GHITM: variants seen among roughly 807,000 people sequenced by gnomAD.
GHITM encodes growth hormone-inducible transmembrane protein.
In GHITM, 24 loss-of-function variants were observed where a neutral mutation model predicts 38.7. The observed-to-expected ratio is 0.62, with a 90% CI of 0.45 to 0.87. The LOEUF is 0.87. GHITM is among the 40% of genes least tolerant of loss of function. The pLI is 0.00. For missense variants in GHITM, 420 were observed against 429.8 expected (o/e 0.98, Z 0.20); for synonymous variants, 154 against 147.8 (o/e 1.04, Z -0.30).
chr10:84,139,543 C>CT lies in GHITM; in HGVS notation c.-90_-89insT, dbSNP rs1841483646. Reference sequence around the variant, plus strand: ...GAGGAACTGTGCTCTTTGAGGCCGACGCTAGGGGCCCGGAAGGGAAACTGC... The same window carrying CT: ...GAGGAACTGTGCTCTTTGAGGCCGACTGCTAGGGGCCCGGAAGGGAAACTGC... On this transcript the variant is annotated 5_prime_UTR_variant, in exon 1 of 9. Transcript: ENST00000372134. The CT allele has an allele frequency of 6.6e-6, 1 of 152,316 alleles. No homozygotes were observed. The highest frequency in any genetic ancestry group is 6.5e-5 in the Admixed American group (1 of 15,288). 9.4% of individuals were successfully genotyped at this position (152,316 alleles called of 1,614,324 possible).
intron 3 of GHITM, among the ~76,000 whole-genome samples, chr10:84,143,439 G>T (rs557071349): frequency 6.6e-6 from 1 of 152,284 alleles, no homozygotes; most frequent in African/African-American, 2.4e-5. Context: ...TAGACTAAAA[G>T]AATAAGATGC....
chr10:84,149,836 GTGAT>G (rs1245059080), intron 6 of GHITM, among the ~76,000 whole-genome samples: 2 of 152,200 alleles, frequency 1.3e-5, no homozygotes, highest in East Asian at 1.9e-4. Context: ...GCTTGTGAGT[GTGAT>G]TGATTAGGAA....
At chr10:84,144,661 T>C (rs972058124) in intron 4 of GHITM, among the ~76,000 whole-genome samples, 1 of 152,182 alleles carries the variant, frequency 6.6e-6, no homozygotes, top group African/African-American at 2.4e-5. Flanking sequence ...GCCAAAAATA[T>C]GTTGTTTTTT....
rs754930261 is a variant in GHITM, at chr10:84,144,928, C to G, written c.395C>G (p.Ala132Gly). The G allele has an allele frequency of 1.9e-6, 3 of 1,609,174 alleles. No homozygotes were observed. Among genetic ancestry groups the G allele is most frequent in the Non-Finnish European group, 2.6e-6 (3 of 1,176,052 alleles). ...ATTCATTCCACCTATATGTACTTAG[C>G]AGGGAGTATTGGTTTAACAGCTTTG... The part of the protein sequence containing the change: ...DRIHSTYMYL[A>G]GSIGLTALSA... Residue 132 changes from alanine to glycine, a missense_variant, in exon 5 of 9, where the codon GCA becomes GGA. By Grantham distance (60) the Ala-to-Gly change is moderately conservative (BLOSUM62 0). Coordinates refer to ENST00000372134, the MANE Select transcript of GHITM (RefSeq NM_014394.3).
chr10:84,150,124 A>G lies in GHITM; in HGVS notation c.662A>G (p.Tyr221Cys), dbSNP rs1483429890. 6.2e-7 allele frequency: 1 copy of G among 1,613,954 alleles called. No homozygotes were observed. Among genetic ancestry groups the G allele is most frequent in the Non-Finnish European group, 8.5e-7 (1 of 1,179,928 alleles). ...GGPLLIRAAW[Y>C]TAGIVGGLST... is the part of the protein sequence containing the mutation. ...CCTCTTCTCATCAGAGCTGCATGGTACACAGCTGGCATTGTGGGAGGCCTC... is the reference window on the plus strand; with the variant it reads ...CCTCTTCTCATCAGAGCTGCATGGTGCACAGCTGGCATTGTGGGAGGCCTC... Residue 221 changes from tyrosine (Y) to cysteine (C), a missense_variant, in exon 7 of 9, where the codon TAC becomes TGC. Tyr to Cys is a radical substitution (Grantham distance 194). Coordinates refer to ENST00000372134, the MANE Select transcript of GHITM (RefSeq NM_014394.3).
intron 1 of GHITM, chr10:84,140,571 T>G (rs758202479): frequency 3.3e-5 from 5 of 152,198 alleles, no homozygotes; most frequent in Non-Finnish European, 5.9e-5. Context: ...GTATATCACT[T>G]GCCTAGAATT....
chr10:84,139,670 C>G (rs1396401235), intron 1 of GHITM, 77 bp downstream of exon 1: 1 of 152,306 alleles, frequency 6.6e-6, no homozygotes, highest in Non-Finnish European at 1.5e-5. Flanking sequence ...CCGCTGGGTG[C>G]GGGGGGAAGG....
chr10:84,147,817 A>G (rs1421585304), intron 5 of GHITM, among the ~76,000 whole-genome samples: 1 of 152,202 alleles, frequency 6.6e-6, no homozygotes, highest in Admixed American at 6.5e-5. Context: ...ATAGGCAAAG[A>G]AAAGGAATGA....
rs753352281 is a variant in GHITM, at chr10:84,141,478, G to A, written c.-23G>A. 4.3e-6 allele frequency: 7 copies of A among 1,612,258 alleles called. No homozygotes were observed. The Admixed American group carries it at 5.0e-5, about 12-fold the overall frequency. Reference sequence around the variant, plus strand: ...TTAAACTAGCATTTCAGATCTGCTCGGTAGACCTGGTGCACCACCACCATG... The same window carrying A: ...TTAAACTAGCATTTCAGATCTGCTCAGTAGACCTGGTGCACCACCACCATG... On this transcript the variant is annotated 5_prime_UTR_variant, in exon 2 of 9. Coordinates refer to ENST00000372134, the MANE Select transcript of GHITM (RefSeq NM_014394.3).
chr10:84,141,540 T>C lies in GHITM; in HGVS notation c.40T>C (p.Ser14Pro). ...GCTGGTGTGTCTCCGGACACTACCT[T>C]CTAGGGTTTTCCACCCAGCTTTCAC... Reference protein sequence around the residue: ...ARLVCLRTLPSRVFHPAFTKA... With the variant: ...ARLVCLRTLPPRVFHPAFTKA... Residue 14 changes from serine to proline, a missense_variant, in exon 2 of 9, where the codon TCT becomes CCT. Coordinates refer to ENST00000372134, the MANE Select transcript of GHITM (RefSeq NM_014394.3). 6.2e-7 allele frequency: 1 copy of C among 1,613,680 alleles called. No homozygotes were observed. Among genetic ancestry groups the C allele is most frequent in the African/African-American group, 1.3e-5 (1 of 75,034 alleles).
chr10:84,148,895 G>A, intron 6 of GHITM, 57 bp downstream of exon 6: 1 of 978,190 alleles, frequency 1.0e-6, no homozygotes, highest in Non-Finnish European at 1.6e-6. Flanking sequence ...TTTTTGGGTG[G>A]CTCTTCACAG....
intron 5 of GHITM, 134 bp from the exon 6 acceptor site, chr10:84,148,596 T>C: frequency 3.1e-6 from 2 of 635,556 alleles, no homozygotes. Context: ...ACGCCTGGCC[T>C]TAAGCTTTGA....
intron 1 of GHITM, chr10:84,139,980 G>C (rs1841489748): frequency 6.6e-6 from 1 of 152,354 alleles, no homozygotes; most frequent in African/African-American, 2.4e-5. Flanking sequence ...CTTTCTCGGG[G>C]ACCAGGCACC....
intron 6 of GHITM, among the ~76,000 whole-genome samples, chr10:84,149,623 G>A (rs528244250): frequency 6.6e-6 from 1 of 152,234 alleles, no homozygotes; most frequent in South Asian, 2.1e-4. Flanking sequence ...TAAAGAAACA[G>A]CAGTGTCTGT....
At chr10:84,141,926 G>A (rs1404577314) in intron 2 of GHITM, among the ~76,000 whole-genome samples, 4 of 146,704 alleles carry the variant, frequency 2.7e-5, no homozygotes, top group African/African-American at 1.1e-4. Context: ...GGAGATCCTG[G>A]AGCACATAGT....
chr10:84,152,172 G>A (rs1841618546), intron 8 of GHITM, 92 bp from the exon 9 acceptor site: 2 of 624,136 alleles, frequency 3.2e-6, no homozygotes, highest in Non-Finnish European at 5.6e-6. Context: ...ATATCACTAA[G>A]ACAAATAGTA....
chr10:84,146,346 T>A (rs12412411), intron 5 of GHITM, among the ~76,000 whole-genome samples: 39,800 of 152,090 alleles, frequency 0.26, 6,101 homozygotes, highest in Non-Finnish European at 0.36. Flanking sequence ...ATGGAGCAGG[T>A]GTACCAGCTG....
chr10:84,143,988 T>C lies in GHITM; in HGVS notation c.230-7T>C, dbSNP rs892210564. The C allele has an allele frequency of 1.9e-6, 3 of 1,587,888 alleles. No individual in the cohort carries two copies. Among genetic ancestry groups the C allele is most frequent in the African/African-American group, 2.7e-5 (2 of 74,432 alleles). On this transcript the variant is annotated splice_region_variant and splice_polypyrimidine_tract_variant and intron_variant, in intron 3 of 8. Transcript: ENST00000372134. ...TACTAACCTGCATTTCCTTCTGTGT[T>C]CTGCAGTTGATCAGATGGGAAGATG...
intron 5 of GHITM, among the ~76,000 whole-genome samples, chr10:84,145,730 A>G (rs544147423): frequency 6.6e-6 from 1 of 152,330 alleles, no homozygotes; most frequent in Admixed American, 6.5e-5. Context: ...TGTGTCCCCT[A>G]TTCTCCTGCT....
Sources: gnomAD v4.1 joint callset for allele counts (sites outside exome capture counted in the v4.1 genomes callset) on GRCh38, gnomAD v4.1.1 for gene constraint, MANE v1.5 for transcripts, NCBI Gene and HGNC (gene_info 2026-07-23, HGNC 2026-07-21) for gene names.